The following HYDIN variants were observed in gnomAD, a reference collection of about 807,000 sequenced individuals.
HYDIN encodes the protein HYDIN axonemal central pair apparatus protein.
A neutral mutation model predicts 403.9 loss-of-function variants in HYDIN; 132 were observed. The observed-to-expected ratio is 0.33, with a 90% CI of 0.28 to 0.38. The LOEUF is 0.38. HYDIN is among the 10% of genes least tolerant of loss of function. The pLI is 1.00. For missense variants in HYDIN, 2,827 were observed against 5,009.5 expected (o/e 0.56, Z 13.15); for synonymous variants, 1,202 against 1,891.7 (o/e 0.64, Z 9.46).
chr16:70,921,348 T>C, intron 45 of HYDIN, 131 bp from the exon 46 acceptor site: 1 of 756,206 alleles, frequency 1.3e-6, no homozygotes, highest in Admixed American at 2.7e-5. Flanking sequence ...CCCTGCACGC[T>C]AAGGTTGTGC....
At chr16:70,987,277 C>T (rs1182046754) in intron 27 of HYDIN, among the ~76,000 whole-genome samples, 1 of 152,202 alleles carries the variant, frequency 6.6e-6, no homozygotes, top group African/African-American at 2.4e-5. Flanking sequence ...AAACCACGCT[C>T]TTTGGTCAAT....
intron 10 of HYDIN, among the ~76,000 whole-genome samples, chr16:71,104,153 C>A (rs371440327): frequency 6.6e-6 from 1 of 151,428 alleles, no homozygotes; most frequent in Non-Finnish European, 1.5e-5. Flanking sequence ...TCTCCAGCAT[C>A]GTCTCCACAG....
chr16:70,828,606 C>T (rs941066809), intron 81 of HYDIN, among the ~76,000 whole-genome samples, 177 bp from the exon 82 acceptor site: 23 of 150,476 alleles, frequency 1.5e-4, no homozygotes, highest in Admixed American at 1.1e-3. Context: ...CATATGTATC[C>T]GAGCCAGGAA....
chr16:71,065,153 G>A (rs2082220347), intron 15 of HYDIN, among the ~76,000 whole-genome samples: 2 of 152,214 alleles, frequency 1.3e-5, no homozygotes, highest in Admixed American at 1.3e-4. Context: ...AGATCCATAG[G>A]GTAGTGAATC....
intron 1 of HYDIN, among the ~76,000 whole-genome samples, chr16:71,200,810 G>A (rs982295475): frequency 1.3e-5 from 2 of 152,050 alleles, no homozygotes; most frequent in African/African-American, 4.8e-5. Context: ...ATCTAGACTG[G>A]GAAACTCACT....
rs765634344 is a variant in HYDIN at position 70,879,474 on chromosome 16, C to T, written c.10380G>A (p.Lys3460=). ...CGATGTCAAACACGAGGCCTCGGCT[C>T]TTGGCCAGGGTGCTGTAGGGGACAG... ...TLDGLPSTLA[K]SRGLVFDIAG... The change falls in exon 62 of 86, where the codon AAG becomes AAA. Residue 3460 remains lysine, a synonymous_variant. Transcript: ENST00000393567. 1 of 1,613,832 alleles carries T rather than the reference C, an allele frequency of 6.2e-7. No individual in the cohort carries two copies. The highest frequency in any genetic ancestry group is 1.7e-5 in the Admixed American group (1 of 60,018).
At position 70,803,972 on chromosome 16, in the gene HYDIN, C is replaced by G. The variant is rs1209766747; in HGVS notation, c.*3608G>C. On this transcript the variant is annotated 3_prime_UTR_variant, in exon 86 of 86. Transcript: ENST00000393567. ...ATCCCCCAGTTAGAAGTCTCCTGGT[C>G]TGCTTTGCTGAGAATGGATTCTCCA... Among the ~76,000 whole-genome samples the G allele has an allele frequency of 6.6e-6, 1 of 152,244 alleles. No individual in the cohort carries two copies. The highest frequency in any genetic ancestry group is 2.4e-5 in the African/African-American group (1 of 41,450).
intron 45 of HYDIN, among the ~76,000 whole-genome samples, chr16:70,922,378 T>G (rs528698820): frequency 9.9e-5 from 15 of 152,218 alleles, no homozygotes; most frequent in Non-Finnish European, 5.9e-5. Context: ...AGGCTAGCAG[T>G]AAACTATGAA....
chr16:70,895,020 T>C (rs1408034780), intron 54 of HYDIN, among the ~76,000 whole-genome samples: 3 of 152,236 alleles, frequency 2.0e-5, no homozygotes, highest in African/African-American at 7.2e-5. Flanking sequence ...TATTTCATTA[T>C]TGATGGGCAT....
At chr16:70,854,482 T>A (rs2038889524) in intron 73 of HYDIN, among the ~76,000 whole-genome samples, 1 of 152,120 alleles carries the variant, frequency 6.6e-6, no homozygotes, top group Non-Finnish European at 1.5e-5. Context: ...TGGTGCGATC[T>A]CAGCTCATTG....
intron 42 of HYDIN, among the ~76,000 whole-genome samples, chr16:70,943,287 T>C (rs2077739304): frequency 6.6e-6 from 1 of 152,252 alleles, no homozygotes; most frequent in Admixed American, 6.5e-5. Flanking sequence ...TATGTCATTG[T>C]AAAATAATTC....
intron 1 of HYDIN, among the ~76,000 whole-genome samples, chr16:71,205,345 G>C (rs2088238811): frequency 6.6e-6 from 1 of 152,222 alleles, no homozygotes; most frequent in Admixed American, 6.5e-5. Context: ...CTCCAACACG[G>C]GAAAGGGGAA....
intron 32 of HYDIN, 106 bp downstream of exon 32, chr16:70,974,428 T>A: frequency 6.8e-7 from 1 of 1,472,086 alleles, no homozygotes; most frequent in East Asian, 2.4e-5. Flanking sequence ...AGAATCCTTT[T>A]AGCTGATCCC....
chr16:71,112,740 A>G (rs1945426286), intron 10 of HYDIN, among the ~76,000 whole-genome samples: 1 of 151,968 alleles, frequency 6.6e-6, no homozygotes, highest in South Asian at 2.1e-4. Context: ...GTGGTTATCA[A>G]TAATGATTAT....
chr16:71,197,044 T>C (rs1267286330), intron 1 of HYDIN, among the ~76,000 whole-genome samples: 2 of 152,246 alleles, frequency 1.3e-5, no homozygotes, highest in East Asian at 3.8e-4. Context: ...GGACTTGACC[T>C]GAATTCTTTC....
chr16:71,064,914 G>A (rs3817214), intron 15 of HYDIN, 74 bp from the exon 16 acceptor site: 31 of 1,546,554 alleles, frequency 2.0e-5, no homozygotes, highest in African/African-American at 2.7e-5. Context: ...AGCCCCAAGC[G>A]AGATACATTT....
At chr16:71,071,956 TA>T (rs1340100581) in intron 13 of HYDIN, among the ~76,000 whole-genome samples, 1 of 152,146 alleles carries the variant, frequency 6.6e-6, no homozygotes, top group Non-Finnish European at 1.5e-5. Context: ...GGCAGATCAT[TA>T]TGCAAATCAG....
Position 70,807,542 on chromosome 16 carries a change from G to T in HYDIN, c.*38C>A. ...CTATTCTTTTTCAGGCTAAGACAAT[G>T]CATAGCTTTTGGTTGATACAGGTAA... On this transcript the variant is annotated 3_prime_UTR_variant, in exon 86 of 86. Transcript: ENST00000393567. 6.4e-7 allele frequency: 1 copy of T among 1,554,056 alleles called. No individual in the cohort carries two copies. The highest frequency in any genetic ancestry group is 8.7e-7 in the Non-Finnish European group (1 of 1,150,430).
At chr16:71,230,511 C>A in intron 1 of HYDIN, 51 bp downstream of exon 1, 1 of 1,481,492 alleles carries the variant, frequency 6.7e-7, no homozygotes, top group South Asian at 1.3e-5. Context: ...CCCCGGTTAG[C>A]CCCCATGTCC....
Sources: gnomAD v4.1 joint callset for allele counts (sites outside exome capture counted in the v4.1 genomes callset) on GRCh38, gnomAD v4.1.1 for gene constraint, MANE v1.5 for transcripts, NCBI Gene and HGNC (gene_info 2026-07-23, HGNC 2026-07-21) for gene names.